Variants in AKAP7 observed in about 807,000 individuals in gnomAD.
The protein encoded by AKAP7 is A kinase (PRKA) anchor protein 7.
A neutral mutation model predicts 39.5 loss-of-function variants in AKAP7; 39 were observed. The ratio of observed to expected loss-of-function variants is 0.99; its 90% CI spans 0.76 to 1.29. The LOEUF (loss-of-function observed/expected upper bound fraction) is 1.29. Among genes scored for constraint, AKAP7 ranks in the 50% most tolerant of loss-of-function variants. The pLI is 0.00. For missense variants in AKAP7, 414 were observed against 407.7 expected, an observed-to-expected ratio of 1.02 and a Z score of -0.13; for synonymous variants, 140 against 139.1, an observed-to-expected ratio of 1.01 and a Z score of -0.05.
intron 2 of AKAP7, among the ~76,000 whole-genome samples, chr6:131,154,947 C>G (rs775789752): frequency 1.3e-5 from 2 of 151,924 alleles, no homozygotes; most frequent in Non-Finnish European, 2.9e-5. Flanking sequence ...TCTGTCTCTT[C>G]TAGTAAACTG....
chr6:131,127,742 A>T, the AKAP7 span, among the ~76,000 whole-genome samples: 1 of 152,204 alleles, frequency 6.6e-6, no homozygotes, highest in Non-Finnish European at 1.5e-5. Flanking sequence ...TCATTGCAGC[A>T]CTATTCACAA....
intron 7 of AKAP7, chr6:131,250,474 G>C (rs1812356242): frequency 1.9e-6 from 3 of 1,592,216 alleles, no homozygotes; most frequent in Non-Finnish European, 2.6e-6. Flanking sequence ...AGTGAAAAAG[G>C]CAGGGTGTGC....
rs779533383 is a variant in AKAP7, at chr6:131,165,155, T to C, written c.366T>C (p.Ser122=). The part of the protein sequence containing the change: ...QDERLAKAMV[S]DGSFHITLLV... ...AGCGACTGGCCAAAGCAATGGTCAG[T>C]GATGGTTCCTTTCATATTACCCTGC... The change falls in exon 4 of 8, where the codon AGT becomes AGC. Residue 122 remains serine, a synonymous_variant. Coordinates refer to ENST00000431975, the MANE Select transcript of AKAP7 (RefSeq NM_016377.4). 4 of 1,611,800 alleles carry C rather than the reference T, an allele frequency of 2.5e-6. No homozygotes were observed. The South Asian group carries it at 4.4e-5, about 18-fold the overall frequency.
intron 7 of AKAP7, among the ~76,000 whole-genome samples, chr6:131,220,782 A>G (rs1475579353): frequency 6.6e-6 from 1 of 152,050 alleles, no homozygotes; most frequent in East Asian, 1.9e-4. Flanking sequence ...TTTAGACTTC[A>G]TTATTATTAT....
intron 7 of AKAP7, among the ~76,000 whole-genome samples, chr6:131,235,168 T>A (rs888250619): frequency 2.0e-5 from 3 of 152,212 alleles, no homozygotes; most frequent in African/African-American, 7.2e-5. Context: ...TTTGGTTTTT[T>A]GTCCTTGCGA....
chr6:131,157,745 G>A (rs1802553673), intron 2 of AKAP7, among the ~76,000 whole-genome samples: 1 of 152,132 alleles, frequency 6.6e-6, no homozygotes, highest in Non-Finnish European at 1.5e-5. Flanking sequence ...ATAAGGTTAG[G>A]TGTGTAAAAG....
intron 6 of AKAP7, among the ~76,000 whole-genome samples, chr6:131,205,128 C>T (rs771732949): frequency 5.3e-5 from 8 of 151,932 alleles, no homozygotes; most frequent in African/African-American, 1.2e-4. Context: ...GTAAGATAGC[C>T]GGTCCATTCA....
At chr6:131,128,182 A>G in the AKAP7 span, among the ~76,000 whole-genome samples, 6 of 152,202 alleles carry the variant, frequency 3.9e-5, no homozygotes, top group African/African-American at 1.4e-4. Flanking sequence ...TTAAAAATAT[A>G]ATAAAATAAT....
At chr6:131,172,706 T>G (rs1325393597) in intron 5 of AKAP7, among the ~76,000 whole-genome samples, 1 of 152,104 alleles carries the variant, frequency 6.6e-6, no homozygotes, top group Non-Finnish European at 1.5e-5. Context: ...AGCCAGACCA[T>G]CAAAAAAATT....
intron 7 of AKAP7, among the ~76,000 whole-genome samples, chr6:131,278,720 C>T (rs559479199): frequency 6.6e-6 from 1 of 152,302 alleles, no homozygotes; most frequent in African/African-American, 2.4e-5. Context: ...AACTCACTCA[C>T]TATCATGAGA....
intron 7 of AKAP7, among the ~76,000 whole-genome samples, chr6:131,267,540 C>T (rs1813906850): frequency 6.6e-6 from 1 of 152,074 alleles, no homozygotes; most frequent in Non-Finnish European, 1.5e-5. Flanking sequence ...TCAGTGTGTC[C>T]CCCTGGAGCC....
At chr6:131,186,145 G>T (rs147311450) in intron 5 of AKAP7, among the ~76,000 whole-genome samples, 16 of 152,282 alleles carry the variant, frequency 1.1e-4, no homozygotes, top group African/African-American at 3.4e-4. Context: ...TGGAGGTGGG[G>T]CCTTGTGGGA....
At chr6:131,163,661 C>T (rs954966303) in intron 3 of AKAP7, among the ~76,000 whole-genome samples, 1 of 152,044 alleles carries the variant, frequency 6.6e-6, no homozygotes, top group Non-Finnish European at 1.5e-5. Flanking sequence ...ATATTTTAAG[C>T]AATAGAATTG....
chr6:131,208,811 C>T (rs749249340), intron 6 of AKAP7, among the ~76,000 whole-genome samples: 19 of 152,160 alleles, frequency 1.2e-4, no homozygotes, highest in African/African-American at 2.2e-4. Context: ...TACTCAGGAC[C>T]GTGGCTGGGC....
chr6:131,174,752 TTGTAATAAATTGTA>T, intron 5 of AKAP7, among the ~76,000 whole-genome samples: 1 of 152,356 alleles, frequency 6.6e-6, no homozygotes, highest in Non-Finnish European at 1.5e-5. Context: ...TCTTAAAACT[TTGTAATAAATTGTA>T]TGTATATGCC....
Position 131,144,746 on chromosome 6 carries a change from T to C in AKAP7, c.20-539T>C, listed in dbSNP as rs983409595. Among the ~76,000 whole-genome samples the C allele has an allele frequency of 7.2e-5, 11 of 152,386 alleles. No homozygotes were observed. In the East Asian group the frequency reaches 2.1e-3, roughly 29 times the overall value. ...GAGTTAGGGAAACTGTAAGATCATT[T>C]GCTTTTTAATAATTGAATTTTCAGA... is the stretch of plus-strand genomic sequence containing the variant. On this transcript the variant is annotated intron_variant, in intron 1 of 7. Transcript: ENST00000431975.
At chr6:131,232,118 C>T (rs553581023) in intron 7 of AKAP7, among the ~76,000 whole-genome samples, 1 of 152,102 alleles carries the variant, frequency 6.6e-6, no homozygotes, top group South Asian at 2.1e-4. Context: ...AAAATCCAAC[C>T]GTCTGTTGGT....
At chr6:131,278,053 T>C (rs913106621) in intron 7 of AKAP7, among the ~76,000 whole-genome samples, 30 of 152,280 alleles carry the variant, frequency 2.0e-4, no homozygotes, top group African/African-American at 7.2e-4. Context: ...GCTGTCCTTA[T>C]AGGAAGATAG....
At chr6:131,129,874 C>A in the AKAP7 span, among the ~76,000 whole-genome samples, 1 of 152,104 alleles carries the variant, frequency 6.6e-6, no homozygotes, top group Non-Finnish European at 1.5e-5. Flanking sequence ...TTTTTTGTAA[C>A]CATTTGCAAC....
Sources: allele counts gnomAD v4.1 joint callset (sites outside exome capture counted in the v4.1 genomes callset), GRCh38; gene constraint gnomAD v4.1.1; transcripts MANE v1.5; gene names NCBI Gene and HGNC (gene_info 2026-07-23, HGNC 2026-07-21).